SDCBP: variants seen among roughly 807,000 people sequenced by gnomAD.
SDCBP encodes the protein syndecan binding protein.
A neutral mutation model predicts 30.5 loss-of-function variants in SDCBP; 22 were observed. The observed-to-expected ratio is 0.72, with a 90% CI of 0.52 to 1.03. The LOEUF is 1.03. Among genes scored for constraint, SDCBP ranks in the 50% least tolerant of loss-of-function variants. SDCBP has a pLI of 0.00. For missense variants in SDCBP, 304 were observed against 369.9 expected (o/e 0.82, Z 1.46); for synonymous variants, 103 against 118.7 (o/e 0.87, Z 0.86).
chr8:58,566,967 T>A (rs1804735348), intron 2 of SDCBP, among the ~76,000 whole-genome samples: 1 of 152,148 alleles, frequency 6.6e-6, no homozygotes, highest in Non-Finnish European at 1.5e-5. Context: ...TTATGCAAAG[T>A]AAGCTTTTAA....
chr8:58,578,313 A>ATAACATTTGATC, intron 6 of SDCBP, 105 bp downstream of exon 6: 2 of 816,232 alleles, frequency 2.5e-6, no homozygotes, highest in Non-Finnish European at 3.7e-6. Context: ...AAAATGATCA[A>ATAACATTTGATC]ATGTTATTGA....
intron 1 of SDCBP, 131 bp downstream of exon 1, chr8:58,553,434 C>G (rs994906984): frequency 6.5e-6 from 1 of 152,914 alleles, no homozygotes; most frequent in African/African-American, 2.4e-5. Flanking sequence ...CGCGAGGCAG[C>G]GGCGACGCCC....
chr8:58,579,689 T>G lies in SDCBP; in HGVS notation c.645T>G (p.Asn215Lys), dbSNP rs1287327534. Residue 215 changes from asparagine (N) to lysine (K), a missense_variant, in exon 7 of 9, where the codon AAT becomes AAG. Asn to Lys is a moderately conservative substitution (Grantham distance 94, BLOSUM62 0). Coordinates refer to ENST00000260130, the MANE Select transcript of SDCBP (RefSeq NM_005625.4). ...GACATGTTGGTTTTATCTTTAAAAA[T>G]GGAAAAATAACATCCATAGTGAAAG... Reference protein sequence around the residue: ...STGHVGFIFKNGKITSIVKDS... With the variant: ...STGHVGFIFKKGKITSIVKDS... 2.5e-6 allele frequency: 4 copies of G among 1,612,044 alleles called. No individual in the cohort carries two copies. The South Asian group carries it at 4.4e-5, about 18-fold the overall frequency.
chr8:58,574,865 G>A (rs914768508), intron 4 of SDCBP, among the ~76,000 whole-genome samples: 4 of 152,130 alleles, frequency 2.6e-5, no homozygotes, highest in African/African-American at 7.2e-5. Flanking sequence ...TTCTTTTGGT[G>A]TGTGGTGAGA....
At position 58,578,405 on chromosome 8, in the gene SDCBP, A is replaced by AAAT. The variant is rs1805471279; in HGVS notation, c.578+197_578+198insAAT. On this transcript the variant is annotated intron_variant, in intron 6 of 8. Transcript: ENST00000260130. ...GCATTCTGATACGATACCTTATTTCAGAGTTTATAGGACAAATCTCTCTAG... is the reference window on the plus strand; with the variant it reads ...GCATTCTGATACGATACCTTATTTCAAATGAGTTTATAGGACAAATCTCTCTAG... 9.4e-6 allele frequency: 4 copies of AAAT among 427,080 alleles called. No homozygotes were observed. The South Asian group carries it at 2.0e-4, about 21-fold the overall frequency. 26.5% of individuals were successfully genotyped at this position (427,080 alleles called of 1,614,324 possible).
rs561685068 is a variant in SDCBP at position 58,580,202 on chromosome 8, A to G, written c.751-315A>G. On this transcript the variant is annotated intron_variant, in intron 7 of 8. Transcript: ENST00000260130. ...GTCTTAAGGTCAAAAAGTTTTAAGC[A>G]TGACCTCCTCATTTCATAGAATTTG... Among the ~76,000 whole-genome samples, 4 of 152,336 alleles carry G rather than the reference A, an allele frequency of 2.6e-5. No homozygotes were observed. In the East Asian group the frequency reaches 7.7e-4, roughly 29 times the overall value.
intron 5 of SDCBP, 119 bp downstream of exon 5, chr8:58,576,180 T>C: frequency 1.3e-6 from 1 of 789,190 alleles, no homozygotes; most frequent in Admixed American, 2.9e-5. Flanking sequence ...TAGTTGAGAA[T>C]ATTTTAAATC....
Position 58,578,170 on chromosome 8 carries a change from G to C in SDCBP, c.540G>C (p.Gln180His). Residue 180 changes from glutamine to histidine, a missense_variant, in exon 6 of 9, where the codon CAG becomes CAC. Coordinates refer to ENST00000260130, the MANE Select transcript of SDCBP (RefSeq NM_005625.4). ...SSDKAHKVLK[Q>H]AFGEKITMTI... ...ATAAAGCGCACAAGGTGCTCAAACA[G>C]GCTTTTGGAGAGAAGATTACCATGA... is the stretch of plus-strand genomic sequence containing the variant. 1.3e-6 allele frequency: 2 copies of C among 1,595,702 alleles called. No homozygotes were observed. The highest frequency in any genetic ancestry group is 1.1e-5 in the South Asian group (1 of 88,352).
At position 58,579,747 on chromosome 8, in the gene SDCBP, G is replaced by T; in HGVS notation, c.703G>T (p.Glu235Ter). 2 of 1,612,614 alleles carry T rather than the reference G, an allele frequency of 1.2e-6. No individual in the cohort carries two copies. Among genetic ancestry groups the T allele is most frequent in the Middle Eastern group, 1.7e-4 (1 of 6,020 alleles). The change falls in exon 7 of 9, where the codon GAA (glutamate) becomes TAA (stop). Residue 235 changes from glutamate to a stop codon, truncating the protein, a stop_gained. Transcript: ENST00000260130. LOFTEE classifies it high-confidence loss of function. Reference protein sequence around the residue: ...SSAARNGLLTEHNICEINGQN... With the variant: ...SSAARNGLLT ...TGCAGCCAGAAATGGTCTTCTCACG[G>T]AACATAACATCTGTGAAATCAATGG...
At chr8:58,573,085 G>A (rs147000075) in intron 4 of SDCBP, among the ~76,000 whole-genome samples, 2,564 of 152,166 alleles carry the variant, frequency 0.017, 33 homozygotes, top group African/African-American at 0.035. Context: ...TGGGATTACA[G>A]GCATGAGCCA....
At position 58,575,899 on chromosome 8, in the gene SDCBP, G is replaced by A. The variant is rs754084479; in HGVS notation, c.241-1G>A. 1.2e-6 allele frequency: 2 copies of A among 1,608,038 alleles called. No homozygotes were observed. Among genetic ancestry groups the A allele is most frequent in the Admixed American group, 1.7e-5 (1 of 59,746 alleles). The stretch of plus-strand genomic sequence containing the variant: ...TGACACATTGTATATGGTTTTGTCA[G>A]CAGTTGGTAGCAAGACCTTCCAGTA... On this transcript the variant is annotated splice_acceptor_variant, in intron 4 of 8. Transcript: ENST00000260130. LOFTEE classifies it high-confidence loss of function.
At position 58,578,140 on chromosome 8, in the gene SDCBP, C is replaced by T; in HGVS notation, c.510C>T (p.Ser170=). The T allele has an allele frequency of 6.2e-7, 1 of 1,611,744 alleles. No individual in the cohort carries two copies. Among genetic ancestry groups the T allele is most frequent in the Non-Finnish European group, 8.5e-7 (1 of 1,179,130 alleles). Reference sequence around the variant, plus strand: ...ATGGTGAAAACTGTGCAGGATGGAGCTCTGATAAAGCGCACAAGGTGCTCA... The same window carrying T: ...ATGGTGAAAACTGTGCAGGATGGAGTTCTGATAAAGCGCACAAGGTGCTCA... ...QINGENCAGW[S]SDKAHKVLKQ... is the part of the protein sequence containing the mutation. The change falls in exon 6 of 9, where the codon AGC becomes AGT. Residue 170 remains serine, a synonymous_variant. Transcript: ENST00000260130.
chr8:58,576,094 T>C (rs201191865), intron 5 of SDCBP, 33 bp downstream of exon 5: 223 of 1,472,184 alleles, frequency 1.5e-4, no homozygotes, highest in Non-Finnish European at 2.0e-4. Context: ...TGAATTTGTC[T>C]AAATCTCTTA....
chr8:58,569,205 G>T lies in SDCBP; in HGVS notation c.52-1682G>T, dbSNP rs533351108. 2.0e-5 allele frequency among the ~76,000 whole-genome samples: 3 copies of T among 152,188 alleles called. No individual in the cohort carries two copies. The South Asian group carries it at 6.2e-4, about 32-fold the overall frequency. ...TTAACAGGCATCCACCACCATGCCC[G>T]GCTAATTTTTGTATGTTTACTAGAG... On this transcript the variant is annotated intron_variant, in intron 2 of 8. Coordinates refer to ENST00000260130, the MANE Select transcript of SDCBP (RefSeq NM_005625.4).
chr8:58,560,146 A>C (rs1222263030), intron 1 of SDCBP: 1 of 152,304 alleles, frequency 6.6e-6, no homozygotes, highest in East Asian at 1.9e-4. Flanking sequence ...AGCAGGAGAA[A>C]ATCCTCAACT....
At chr8:58,569,796 T>C (rs573760823) in intron 2 of SDCBP, among the ~76,000 whole-genome samples, 2 of 152,328 alleles carry the variant, frequency 1.3e-5, no homozygotes, top group Admixed American at 1.3e-4. Flanking sequence ...TATTTATAAT[T>C]ATAAAGATTT....
In SDCBP at chr8:58,582,534, A is replaced by G. The variant is rs1231850314; in HGVS notation, c.*794A>G. 1 of 152,594 alleles carries G rather than the reference A, an allele frequency of 6.6e-6. No homozygotes were observed. The highest frequency in any genetic ancestry group is 1.9e-4 in the East Asian group (1 of 5,200). 9.5% of individuals were successfully genotyped at this position (152,594 alleles called of 1,614,324 possible). A position where few individuals can be genotyped will look rare whatever the true frequency, so the allele number is the denominator to read the frequency against. On this transcript the variant is annotated 3_prime_UTR_variant, in exon 9 of 9. Coordinates refer to ENST00000260130, the MANE Select transcript of SDCBP (RefSeq NM_005625.4). ...ACATAATGGAAACTTCTTTCTTCTA[A>G]AAGTTGCCAGTGCCACTTTTAAGAA... is the stretch of plus-strand genomic sequence containing the variant.
In SDCBP at chr8:58,579,738, C is replaced by G. The variant is rs1262066631; in HGVS notation, c.694C>G (p.Leu232Val). 2 of 1,612,842 alleles carry G rather than the reference C, an allele frequency of 1.2e-6. No homozygotes were observed. The highest frequency in any genetic ancestry group is 1.7e-6 in the Non-Finnish European group (2 of 1,179,434). Residue 232 changes from leucine (L) to valine (V), a missense_variant, in exon 7 of 9, where the codon CTT becomes GTT. Physicochemically the swap from Leu to Val is conservative, Grantham distance 32. Transcript: ENST00000260130. ...VKDSSAARNG[L>V]LTEHNICEIN... The stretch of plus-strand genomic sequence containing the variant: ...AGATAGCTCTGCAGCCAGAAATGGT[C>G]TTCTCACGGAACATAACATCTGTGA...
chr8:58,571,000 A>G, intron 3 of SDCBP, 35 bp downstream of exon 3: 5 of 1,446,866 alleles, frequency 3.5e-6, no homozygotes, highest in Non-Finnish European at 4.8e-6. Flanking sequence ...CTCTGTGAAC[A>G]GAAATATTGT....
Sources: gnomAD v4.1 joint callset for allele counts (sites outside exome capture counted in the v4.1 genomes callset) on GRCh38, gnomAD v4.1.1 for gene constraint, MANE v1.5 for transcripts, NCBI Gene and HGNC (gene_info 2026-07-23, HGNC 2026-07-21) for gene names.